STK3: variants seen among roughly 807,000 people sequenced by gnomAD.
STK3 encodes the protein serine/threonine kinase 3, also known as serine/threonine-protein kinase 3.
In STK3, 41 loss-of-function variants were observed where a neutral mutation model predicts 58.0. The observed-to-expected ratio is 0.71, with a 90% confidence interval of 0.55 to 0.92. The LOEUF (loss-of-function observed/expected upper bound fraction) is 0.92, where lower values mean the gene tolerates loss of function less well. STK3 is among the 40% of genes least tolerant of loss of function. STK3 has a pLI of 0.00. For missense variants in STK3, 479 were observed against 602.7 expected (o/e 0.79, Z 2.15); for synonymous variants, 170 against 191.0 (o/e 0.89, Z 0.91).
chr8:98,630,754 AAGG>A (rs1366017895), intron 6 of STK3, among the ~76,000 whole-genome samples: 2 of 150,810 alleles, frequency 1.3e-5, no homozygotes, highest in Admixed American at 6.6e-5. Context: ...GGATAAGGAG[AAGG>A]AGAAGAACAA....
upstream of STK3, among the ~76,000 whole-genome samples, chr8:98,825,903 G>T (rs1368228923): frequency 6.9e-6 from 1 of 144,306 alleles, no homozygotes; most frequent in Non-Finnish European, 1.5e-5. Context: ...CTGCGGCGGC[G>T]GCCCAGAGAA....
Position 98,800,726 on chromosome 8 carries a change from AC to A in STK3, c.26+24788del, listed in dbSNP as rs1052719305. On this transcript the variant is annotated intron_variant, in intron 1 of 10. Transcript: ENST00000419617. The surrounding 1 kb of genome is among the most constrained non-coding windows in gnomAD (Gnocchi z 4.8). ...AGCCCTGGGCAGTGAAGGGCTTAGC[AC>A]CCGGGCCAGCAGCTGCGGAAGGGGC... Among the ~76,000 whole-genome samples, 2 of 152,052 alleles carry A rather than the reference AC, an allele frequency of 1.3e-5. No individual in the cohort carries two copies. Among genetic ancestry groups the A allele is most frequent in the African/African-American group, 4.8e-5 (2 of 41,394 alleles).
Position 98,778,457 on chromosome 8 carries a change from T to C in STK3, c.27-3638A>G, listed in dbSNP as rs12171669. Among the ~76,000 whole-genome samples the C allele has an allele frequency of 2.2e-3, 329 of 152,256 alleles. 1 individual carries two copies. Among genetic ancestry groups the C allele is most frequent in the African/African-American group, 7.4e-3 (306 of 41,524 alleles). On this transcript the variant is annotated intron_variant, in intron 1 of 10. Transcript: ENST00000419617. ...GGACTGTAAACTAGTTCAACCATTG[T>C]GGAAGACAGTGTGGCGATTCCTCAG... is the stretch of plus-strand genomic sequence containing the variant.
chr8:98,813,050 G>C (rs1298490659), intron 1 of STK3, among the ~76,000 whole-genome samples: 1 of 127,318 alleles, frequency 7.9e-6, no homozygotes, highest in African/African-American at 3.0e-5. Context: ...AAAAAAAAAA[G>C]AAAGTGATGT....
At chr8:98,462,768 T>A (rs1352865459) in intron 10 of STK3, among the ~76,000 whole-genome samples, 5 of 152,216 alleles carry the variant, frequency 3.3e-5, no homozygotes, top group Non-Finnish European at 7.3e-5. Flanking sequence ...CTCTCGTATC[T>A]CCTTTGGTAG....
intron 6 of STK3, among the ~76,000 whole-genome samples, chr8:98,698,385 T>G (rs1294592765): frequency 6.6e-6 from 1 of 152,124 alleles, no homozygotes; most frequent in Non-Finnish European, 1.5e-5. Context: ...TATTGTTATG[T>G]GTGAATTTGA....
chr8:98,903,566 TTTTTA>T (rs1838767578), intron 1 of STK3, among the ~76,000 whole-genome samples: 2 of 147,700 alleles, frequency 1.4e-5, no homozygotes, highest in Non-Finnish European at 1.5e-5. Flanking sequence ...CCTTTTTTTT[TTTTTA>T]AGTGGGGCCT....
At chr8:98,854,832 G>A (rs1365043180) in intron 3 of STK3, among the ~76,000 whole-genome samples, 1 of 152,182 alleles carries the variant, frequency 6.6e-6, no homozygotes, top group African/African-American at 2.4e-5. Flanking sequence ...AAGGTGGGCA[G>A]ATCACTTTGA....
chr8:98,911,018 A>G (rs1839110271), intron 1 of STK3, among the ~76,000 whole-genome samples: 2 of 152,238 alleles, frequency 1.3e-5, no homozygotes, highest in South Asian at 4.1e-4. Flanking sequence ...GCAACAGGCC[A>G]CAAGCAGTTT....
At chr8:98,596,998 C>T (rs1305240604) in intron 6 of STK3, among the ~76,000 whole-genome samples, 2 of 151,952 alleles carry the variant, frequency 1.3e-5, no homozygotes, top group Non-Finnish European at 2.9e-5. Flanking sequence ...AGAATAGTAT[C>T]TACAGGAATG....
At chr8:98,720,750 CAA>C (rs35529460) in intron 4 of STK3, among the ~76,000 whole-genome samples, 93 of 94,760 alleles carry the variant, frequency 9.8e-4, no homozygotes, top group Admixed American at 9.7e-4. Context: ...GACTCCGTCT[CAA>C]AAAAAAAAAA....
chr8:98,364,056 T>C, the STK3 span, among the ~76,000 whole-genome samples: 13 of 152,084 alleles, frequency 8.5e-5, no homozygotes, highest in African/African-American at 2.7e-4. Context: ...GAAATCTTAG[T>C]GAGTTGGTGG....
chr8:98,621,280 C>T (rs928092416), intron 6 of STK3, among the ~76,000 whole-genome samples: 12 of 152,150 alleles, frequency 7.9e-5, no homozygotes, highest in Admixed American at 5.2e-4. Flanking sequence ...AACCTTGTTG[C>T]GCTTACTCAT....
downstream of STK3, chr8:98,882,340 T>C (rs1224471907): frequency 6.6e-6 from 1 of 152,066 alleles, no homozygotes; most frequent in Non-Finnish European, 1.5e-5. Context: ...AATAAGTAAT[T>C]GAAGAGGTAA....
chr8:98,406,109 G>A (rs1276368616), intron 3 of STK3, among the ~76,000 whole-genome samples: 1 of 152,154 alleles, frequency 6.6e-6, no homozygotes, highest in Non-Finnish European at 1.5e-5. Flanking sequence ...TAGACTGGGT[G>A]CTATGGGCAA....
chr8:98,501,065 G>C (rs1823551872), intron 10 of STK3, among the ~76,000 whole-genome samples: 1 of 152,100 alleles, frequency 6.6e-6, no homozygotes, highest in African/African-American at 2.4e-5. Context: ...ATCCTCTCCA[G>C]CATCTGTTGT....
rs563557399 is a variant in STK3 at position 98,413,161 on chromosome 8, G to C, written n.484-11648C>G. 3.7e-4 allele frequency: 108 copies of C among 292,400 alleles called. 1 individual carries two copies. The East Asian group carries it at 0.01, about 28-fold the overall frequency. 18.1% of individuals were successfully genotyped at this position (292,400 alleles called of 1,614,324 possible). ...CCCAAGTAGCTGGGATTATAGGCATGTGCCACCACGCCCGGTTATTTTTTG... is the reference window on the plus strand; with the variant it reads ...CCCAAGTAGCTGGGATTATAGGCATCTGCCACCACGCCCGGTTATTTTTTG... On this transcript the variant is annotated intron_variant and non_coding_transcript_variant, in intron 3 of 3. Coordinates refer to the STK3 transcript ENST00000517832.
chr8:98,479,767 C>A (rs1821700086), intron 10 of STK3, among the ~76,000 whole-genome samples: 3 of 152,038 alleles, frequency 2.0e-5, no homozygotes, highest in African/African-American at 7.3e-5. Flanking sequence ...TCAACAGAAG[C>A]CAACCTTGAT....
intron 4 of STK3, among the ~76,000 whole-genome samples, chr8:98,742,786 A>C (rs1398869201): frequency 6.6e-6 from 1 of 151,944 alleles, no homozygotes; most frequent in African/African-American, 2.4e-5. Flanking sequence ...GAGGAAGGCA[A>C]ATTGTCCCTG....
Sources: gnomAD v4.1 joint callset for allele counts (sites outside exome capture counted in the v4.1 genomes callset) on GRCh38, gnomAD v4.1.1 for gene constraint, Gnocchi (gnomAD v3.1) non-coding constraint, MANE v1.5 for transcripts, NCBI Gene and HGNC (gene_info 2026-07-23, HGNC 2026-07-21) for gene names.